The following KCNB2 variants were observed in gnomAD, a reference collection of about 807,000 sequenced individuals.
KCNB2 encodes the protein potassium voltage-gated channel subfamily B member 2, also known as delayed rectifier potassium channel protein.
KCNB2 carries 15 observed loss-of-function variants against 61.5 expected under a neutral mutation model. The observed-to-expected ratio is 0.24, with a 90% CI of 0.16 to 0.38. The LOEUF (loss-of-function observed/expected upper bound fraction) is 0.38. KCNB2 is among the 10% of genes least tolerant of loss of function. KCNB2 has a pLI of 1.00. For synonymous variants in KCNB2, 457 were observed against 446.0 expected (o/e 1.02, Z -0.31); for missense variants, 828 against 1,125.2 (o/e 0.74, Z 3.78).
chr8:72,890,385 C>G (rs1327359723), intron 2 of KCNB2, among the ~76,000 whole-genome samples: 3 of 152,192 alleles, frequency 2.0e-5, no homozygotes, highest in Middle Eastern at 3.2e-3. Flanking sequence ...AAGTAAGTCT[C>G]AGCCCCGAAC....
intron 2 of KCNB2, among the ~76,000 whole-genome samples, chr8:72,934,055 G>C (rs1251621772): frequency 1.3e-5 from 2 of 152,080 alleles, no homozygotes; most frequent in Non-Finnish European, 2.9e-5. Context: ...GCAATTTAAG[G>C]AGGAAAGATG....
intron 2 of KCNB2, among the ~76,000 whole-genome samples, chr8:72,850,701 C>A (rs1020800939): frequency 6.6e-6 from 1 of 152,016 alleles, no homozygotes; most frequent in Non-Finnish European, 1.5e-5. Context: ...TGTAGAATAC[C>A]AGAAAAGAAA....
intron 1 of KCNB2, among the ~76,000 whole-genome samples, chr8:72,559,330 A>T (rs111888445): frequency 2.0e-5 from 3 of 151,878 alleles, no homozygotes; most frequent in African/African-American, 7.3e-5. Flanking sequence ...TTTTTAGTAG[A>T]GACAGGGTTT....
At chr8:72,768,231 C>T (rs370443688) in intron 2 of KCNB2, among the ~76,000 whole-genome samples, 6 of 152,110 alleles carry the variant, frequency 3.9e-5, no homozygotes, top group African/African-American at 1.2e-4. Context: ...GGCTGGAGTG[C>T]AGTGGCATGA....
At chr8:72,867,257 G>C (rs764172351) in intron 2 of KCNB2, among the ~76,000 whole-genome samples, 1 of 152,190 alleles carries the variant, frequency 6.6e-6, no homozygotes, top group Admixed American at 6.5e-5. Flanking sequence ...GGCTTGATAT[G>C]AGAAATCAGG....
chr8:72,811,536 A>G (rs1192033787), intron 2 of KCNB2, among the ~76,000 whole-genome samples: 1 of 152,176 alleles, frequency 6.6e-6, no homozygotes, highest in African/African-American at 2.4e-5. Context: ...ACATGTATTT[A>G]TGTATACAGA....
intron 2 of KCNB2, among the ~76,000 whole-genome samples, chr8:72,612,421 G>T (rs1805555820): frequency 6.6e-6 from 1 of 152,178 alleles, no homozygotes; most frequent in Admixed American, 6.5e-5. Context: ...TGGAAGACTT[G>T]CTGGTGAATT....
chr8:72,688,524 G>T (rs1445353856), intron 2 of KCNB2, among the ~76,000 whole-genome samples: 1 of 151,976 alleles, frequency 6.6e-6, no homozygotes, highest in Non-Finnish European at 1.5e-5. Context: ...ATGTTTTTCT[G>T]TAATTCTTAG....
intron 2 of KCNB2, among the ~76,000 whole-genome samples, chr8:72,602,012 C>T (rs970045457): frequency 6.6e-6 from 1 of 152,116 alleles, no homozygotes; most frequent in Non-Finnish European, 1.5e-5. Flanking sequence ...TTATGCTTCT[C>T]TAGACACGTT....
chr8:72,682,271 T>C (rs2128989182), intron 2 of KCNB2, among the ~76,000 whole-genome samples: 1 of 152,310 alleles, frequency 6.6e-6, no homozygotes, highest in Middle Eastern at 3.4e-3. Flanking sequence ...CCTGAAAAGC[T>C]CAACATGACT....
chr8:72,581,723 T>C (rs2128980447), intron 2 of KCNB2, among the ~76,000 whole-genome samples: 1 of 152,372 alleles, frequency 6.6e-6, no homozygotes, highest in South Asian at 2.1e-4. Flanking sequence ...TTTACATTTT[T>C]ACATTGTATA....
intron 1 of KCNB2, among the ~76,000 whole-genome samples, chr8:72,539,149 G>A (rs1806156308): frequency 6.6e-6 from 1 of 152,168 alleles, no homozygotes; most frequent in Non-Finnish European, 1.5e-5. Context: ...ATCTAGACTA[G>A]ACATCTAGGC....
At chr8:72,798,471 T>C (rs1278778445) in intron 2 of KCNB2, among the ~76,000 whole-genome samples, 1 of 152,148 alleles carries the variant, frequency 6.6e-6, no homozygotes, top group Non-Finnish European at 1.5e-5. Context: ...TAAGTGCTTG[T>C]GAAAGTGGCC....
chr8:72,898,223 A>C (rs898318280), intron 2 of KCNB2, among the ~76,000 whole-genome samples: 1 of 151,720 alleles, frequency 6.6e-6, no homozygotes, highest in Non-Finnish European at 1.5e-5. Flanking sequence ...AAAGCTGACC[A>C]TAGGTGGGAA....
Position 72,896,609 on chromosome 8 carries a change from A to G in KCNB2, c.580-39326A>G, listed in dbSNP as rs1805993538. On this transcript the variant is annotated intron_variant, in intron 2 of 2. Transcript: ENST00000523207. ...TTATCCTAATATATCTAATTTTGCC[A>G]GCAGCAAATATCAGGCTTCTTAGTG... Among the ~76,000 whole-genome samples the G allele has an allele frequency of 2.6e-5, 4 of 152,184 alleles. No homozygotes were observed. In the South Asian group the frequency reaches 8.3e-4, roughly 31 times the overall value.
At chr8:72,591,300 C>T (rs1489253011) in intron 2 of KCNB2, among the ~76,000 whole-genome samples, 2 of 152,162 alleles carry the variant, frequency 1.3e-5, no homozygotes, top group Non-Finnish European at 2.9e-5. Flanking sequence ...TATAGTCAGA[C>T]ACTGATCTGC....
intron 1 of KCNB2, among the ~76,000 whole-genome samples, chr8:72,562,450 G>A (rs966045452): frequency 4.6e-5 from 7 of 152,176 alleles, no homozygotes; most frequent in Non-Finnish European, 8.8e-5. Context: ...TGTTTACAGA[G>A]CTGCTTTTTT....
At chr8:72,700,159 C>A (rs1266708581) in intron 2 of KCNB2, among the ~76,000 whole-genome samples, 1 of 151,834 alleles carries the variant, frequency 6.6e-6, no homozygotes, top group Non-Finnish European at 1.5e-5. Context: ...AACACATGGG[C>A]ACAGGGAGGG....
intron 1 of KCNB2, among the ~76,000 whole-genome samples, chr8:72,565,266 T>C (rs755223602): frequency 3.9e-5 from 6 of 152,208 alleles, no homozygotes; most frequent in Non-Finnish European, 8.8e-5. Flanking sequence ...TTTCATTACC[T>C]TGACTTATAT....
Sources: allele counts gnomAD v4.1 joint callset (sites outside exome capture counted in the v4.1 genomes callset), GRCh38; gene constraint gnomAD v4.1.1; transcripts MANE v1.5; gene names NCBI Gene and HGNC (gene_info 2026-07-23, HGNC 2026-07-21).